Variants in DPYS observed in about 807,000 individuals in gnomAD.
DPYS encodes the protein dihydropyrimidine amidohydrolase.
A neutral mutation model predicts 50.3 loss-of-function variants in DPYS; 39 were observed. The ratio of observed to expected loss-of-function variants is 0.78; its 90% CI spans 0.60 to 1.01. DPYS has a LOEUF of 1.01. Ranked by LOEUF, DPYS falls within the 50% of genes least tolerant of loss-of-function variation. The pLI is 0.00. For synonymous variants in DPYS, 245 were observed against 250.7 expected (o/e 0.98, Z 0.22); for missense variants, 659 against 680.9 (o/e 0.97, Z 0.36).
intron 7 of DPYS, among the ~76,000 whole-genome samples, chr8:104,395,420 A>G (rs1188688601): frequency 1.3e-5 from 2 of 152,202 alleles, no homozygotes; most frequent in Non-Finnish European, 2.9e-5. Context: ...AAGACACAGA[A>G]CAGTGATACC....
rs758127512 is a variant in DPYS at position 104,429,682 on chromosome 8, T to C, written c.813A>G (p.Glu271=). 6.2e-7 allele frequency: 1 copy of C among 1,614,086 alleles called. No individual in the cohort carries two copies. Among genetic ancestry groups the C allele is most frequent in the Non-Finnish European group, 8.5e-7 (1 of 1,180,012 alleles). ...ARRDGKVVYG[E]PIAASLGTDG... The stretch of plus-strand genomic sequence containing the variant: ...CTGTGCCAAGACTGGCTGCTATGGG[T>C]TCACCATAGACCACCTTCCCTGGAA... Residue 271 remains glutamate (E), a synonymous_variant, in exon 5 of 10, where the codon GAA becomes GAG. Coordinates refer to ENST00000351513, the MANE Select transcript of DPYS (RefSeq NM_001385.3).
intron 9 of DPYS, 32 bp downstream of exon 9, chr8:104,381,152 C>A: frequency 6.4e-7 from 1 of 1,560,686 alleles, no homozygotes; most frequent in South Asian, 1.1e-5. Flanking sequence ...TGCTGTCATG[C>A]AGGAAGACTT....
chr8:104,457,602 T>C (rs1813971077), intron 1 of DPYS, among the ~76,000 whole-genome samples: 1 of 152,194 alleles, frequency 6.6e-6, no homozygotes, highest in Non-Finnish European at 1.5e-5. Context: ...TCACAGAACC[T>C]GCACCACCCA....
intron 8 of DPYS, 112 bp downstream of exon 8, chr8:104,392,672 C>T: frequency 7.6e-7 from 1 of 1,318,926 alleles, no homozygotes; most frequent in Non-Finnish European, 1.1e-6. Flanking sequence ...CCCAGGAATA[C>T]ATTAAACCAA....
chr8:104,379,844 C>T lies in DPYS; in HGVS notation c.*15-1G>A, dbSNP rs1052017849. On this transcript the variant is annotated splice_acceptor_variant, in intron 9 of 9. Transcript: ENST00000351513. LOFTEE classifies it low-confidence loss of function (3UTR_SPLICE). ...GCCTCCTTTCCTCTGATTTTTTTAC[C>T]TTTGAAGAGAATGAAAGGAACTCAC... 2.2e-6 allele frequency: 1 copy of T among 455,804 alleles called. No individual in the cohort carries two copies. The highest frequency in any genetic ancestry group is 2.4e-5 in the Admixed American group (1 of 42,486). The allele number at this position is 455,804 out of a possible 1,614,324, so 28.2% of individuals were successfully genotyped here.
intron 8 of DPYS, among the ~76,000 whole-genome samples, chr8:104,390,688 G>A (rs1039361462): frequency 1.3e-5 from 2 of 151,884 alleles, no homozygotes; most frequent in African/African-American, 4.8e-5. Flanking sequence ...TAGTAGAGAT[G>A]GGGTTTTGCC....
Position 104,428,031 on chromosome 8 carries a change from A to T in DPYS, c.1041T>A (p.Asn347Lys). 6.2e-7 allele frequency: 1 copy of T among 1,614,204 alleles called. No individual in the cohort carries two copies. Among genetic ancestry groups the T allele is most frequent in the Non-Finnish European group, 8.5e-7 (1 of 1,180,020 alleles). ...TCCGATCTTCAACACCATTCACCCC[A>T]TTGGGGATCTTGGTAAAATCATCCT... ...LGKDDFTKIPNGVNGVEDRMS... is the reference protein window; with the variant it reads ...LGKDDFTKIPKGVNGVEDRMS... The change falls in exon 6 of 10, where the codon AAT becomes AAA. Residue 347 changes from asparagine to lysine, a missense_variant. Physicochemically the swap from Asn to Lys is moderately conservative, Grantham distance 94. Transcript: ENST00000351513.
intron 4 of DPYS, among the ~76,000 whole-genome samples, chr8:104,430,392 G>A (rs1812914183): frequency 6.6e-6 from 1 of 151,280 alleles, no homozygotes; most frequent in Non-Finnish European, 1.5e-5. Context: ...TGTTAGAAAA[G>A]TTAATAGTGC....
rs185254037 is a variant in DPYS at position 104,427,533 on chromosome 8, C to T, written c.1092+447G>A. On this transcript the variant is annotated intron_variant, in intron 6 of 9. Coordinates refer to ENST00000351513, the MANE Select transcript of DPYS (RefSeq NM_001385.3). The stretch of plus-strand genomic sequence containing the variant: ...ACCTCAAGTGATCCACCTGCCTTGG[C>T]CTCCCAAAGTGCTGGGATTACAGGT... Among the ~76,000 whole-genome samples, 96 of 152,050 alleles carry T rather than the reference C, an allele frequency of 6.3e-4. No individual in the cohort carries two copies. The East Asian group carries it at 0.018, about 28-fold the overall frequency.
chr8:104,390,608 G>A (rs951627807), intron 8 of DPYS, among the ~76,000 whole-genome samples: 11 of 150,942 alleles, frequency 7.3e-5, no homozygotes, highest in Admixed American at 6.6e-4. Flanking sequence ...AGCTATTCTC[G>A]TGCCTCAGCC....
Position 104,448,080 on chromosome 8 carries a change from C to T in DPYS, c.424-577G>A, listed in dbSNP as rs539708813. Among the ~76,000 whole-genome samples the T allele has an allele frequency of 2.0e-5, 3 of 151,978 alleles. 1 individual carries two copies. Among genetic ancestry groups the T allele is most frequent in the Admixed American group, 1.3e-4 (2 of 15,274 alleles). On this transcript the variant is annotated intron_variant, in intron 2 of 9. Transcript: ENST00000351513. ...ACAGCTGGAGACTCCACTCTGGATC[C>T]GTTGGAAGCTCAGAGGCCTTCAGGG...
chr8:104,447,320 G>A lies in DPYS; in HGVS notation c.603+4C>T, dbSNP rs755440287. On this transcript the variant is annotated splice_donor_region_variant and intron_variant, in intron 3 of 9. Coordinates refer to ENST00000351513, the MANE Select transcript of DPYS (RefSeq NM_001385.3). ...TGTAGAAGCTTTGGAATGCAAATGC[G>A]TACCTCTGCAATTAAGTCTCCATTT... 24 of 1,613,756 alleles carry A rather than the reference G, an allele frequency of 1.5e-5. No individual in the cohort carries two copies. The highest frequency in any genetic ancestry group is 3.3e-4 in the Middle Eastern group (2 of 6,084).
intron 3 of DPYS, among the ~76,000 whole-genome samples, chr8:104,446,885 A>C (rs1813547757): frequency 6.6e-6 from 1 of 152,236 alleles, no homozygotes; most frequent in African/African-American, 2.4e-5. Flanking sequence ...TTCTGAAAAG[A>C]GCAGGGCTTT....
At chr8:104,402,695 A>C (rs774051150) in intron 7 of DPYS, among the ~76,000 whole-genome samples, 1 of 152,158 alleles carries the variant, frequency 6.6e-6, no homozygotes, top group Non-Finnish European at 1.5e-5. Flanking sequence ...TCCTTCCCGA[A>C]AGTACACAAT....
At chr8:104,428,987 C>G (rs1019347463) in intron 5 of DPYS, among the ~76,000 whole-genome samples, 2 of 152,020 alleles carry the variant, frequency 1.3e-5, no homozygotes, top group Admixed American at 1.3e-4. Flanking sequence ...TAAGCCACCA[C>G]GCCCAGCCAA....
rs965145536 is a variant in DPYS at position 104,466,852 on chromosome 8, G to C, written c.69C>G (p.Ala23=). 1 of 1,531,396 alleles carries C rather than the reference G, an allele frequency of 6.5e-7. No homozygotes were observed. The highest frequency in any genetic ancestry group is 8.7e-7 in the Non-Finnish European group (1 of 1,144,688). The allele number at this position is 1,531,396 out of a possible 1,614,324, so 94.9% of individuals were successfully genotyped here. Reference sequence around the variant, plus strand: ...CCACGCCGTCCTCCACCAGCACGTCGGCCACCTCCGAGAAGTCATCGTTGA... The same window carrying C: ...CCACGCCGTCCTCCACCAGCACGTCCGCCACCTCCGAGAAGTCATCGTTGA... The part of the protein sequence containing the change: ...RVVNDDFSEV[A]DVLVEDGVVR... The change falls in exon 1 of 10, where the codon GCC becomes GCG. Residue 23 remains alanine, a synonymous_variant. Coordinates refer to ENST00000351513, the MANE Select transcript of DPYS (RefSeq NM_001385.3).
chr8:104,416,753 G>A (rs1812383803), intron 7 of DPYS, among the ~76,000 whole-genome samples: 1 of 152,114 alleles, frequency 6.6e-6, no homozygotes, highest in South Asian at 2.1e-4. Flanking sequence ...GCAACTTCAA[G>A]GGAAAATGCT....
chr8:104,457,492 A>C (rs1813965824), intron 1 of DPYS, among the ~76,000 whole-genome samples: 1 of 152,242 alleles, frequency 6.6e-6, no homozygotes, highest in East Asian at 1.9e-4. Flanking sequence ...TTCAGGGTAC[A>C]CTACTGTATC....
Position 104,447,314 on chromosome 8 carries a change from A to C in DPYS, c.603+10T>G. The C allele has an allele frequency of 1.9e-6, 3 of 1,614,124 alleles. No individual in the cohort carries two copies. Among genetic ancestry groups the C allele is most frequent in the Non-Finnish European group, 2.5e-6 (3 of 1,179,998 alleles). On this transcript the variant is annotated intron_variant, in intron 3 of 9. Coordinates refer to ENST00000351513, the MANE Select transcript of DPYS (RefSeq NM_001385.3). ...CATTTCTGTAGAAGCTTTGGAATGCAAATGCGTACCTCTGCAATTAAGTCT... is the reference window on the plus strand; with the variant it reads ...CATTTCTGTAGAAGCTTTGGAATGCCAATGCGTACCTCTGCAATTAAGTCT...
Sources: gnomAD v4.1 joint callset for allele counts (sites outside exome capture counted in the v4.1 genomes callset) on GRCh38, gnomAD v4.1.1 for gene constraint, MANE v1.5 for transcripts, NCBI Gene and HGNC (gene_info 2026-07-23, HGNC 2026-07-21) for gene names.